Variants in GRID2 observed in about 807,000 individuals in gnomAD.
GRID2 encodes the protein glutamate ionotropic receptor delta type subunit 2.
GRID2 carries 33 observed loss-of-function variants against 114.8 expected under a neutral mutation model. The ratio of observed to expected loss-of-function variants is 0.29; its 90% CI spans 0.22 to 0.38. GRID2 has a LOEUF of 0.38. GRID2 is among the 10% of genes least tolerant of loss of function. The pLI is 1.00. For missense variants in GRID2, 1,184 were observed against 1,257.7 expected, an observed-to-expected ratio of 0.94 and a Z score of 0.89; for synonymous variants, 505 against 449.9, an observed-to-expected ratio of 1.12 and a Z score of -1.55.
chr4:93,714,692 C>T (rs1243003479), intron 14 of GRID2, among the ~76,000 whole-genome samples: 2 of 152,144 alleles, frequency 1.3e-5, no homozygotes, highest in East Asian at 3.8e-4. Flanking sequence ...TGATGTTGAG[C>T]TTTTTTTCAT....
chr4:93,615,526 C>T (rs1741531821), intron 13 of GRID2, among the ~76,000 whole-genome samples: 1 of 151,738 alleles, frequency 6.6e-6, no homozygotes, highest in Non-Finnish European at 1.5e-5. Flanking sequence ...AATGGTATTT[C>T]TAGCTCTAGA....
intron 8 of GRID2, among the ~76,000 whole-genome samples, chr4:93,258,123 A>T (rs1749829338): frequency 6.6e-6 from 1 of 151,342 alleles, no homozygotes; most frequent in South Asian, 2.1e-4. Flanking sequence ...ACATTAAAAA[A>T]TTTTATTCTC....
At chr4:93,091,922 G>A (rs1730828712) in intron 3 of GRID2, among the ~76,000 whole-genome samples, 1 of 152,086 alleles carries the variant, frequency 6.6e-6, no homozygotes, top group South Asian at 2.1e-4. Flanking sequence ...GCCCAGAAAA[G>A]GTCAGAATGA....
In GRID2 at chr4:93,671,478, G is replaced by A. The variant is rs191316894; in HGVS notation, c.2360+45043G>A. On this transcript the variant is annotated intron_variant, in intron 14 of 15. Transcript: ENST00000282020. ...GATCCCACACTGGGAGTACCTGGGT[G>A]TGAGCTCTGCCACTGCTTTATACTA... is the stretch of plus-strand genomic sequence containing the variant. 2.8e-4 allele frequency among the ~76,000 whole-genome samples: 43 copies of A among 152,200 alleles called. No individual in the cohort carries two copies. In the East Asian group the frequency reaches 5.6e-3, roughly 20 times the overall value.
At chr4:93,264,556 A>T (rs1750589649) in intron 8 of GRID2, among the ~76,000 whole-genome samples, 1 of 151,434 alleles carries the variant, frequency 6.6e-6, no homozygotes, top group Non-Finnish European at 1.5e-5. Flanking sequence ...ACACGAAGAC[A>T]TGGGAAACCT....
chr4:93,137,852 T>G (rs1579091272), intron 4 of GRID2, among the ~76,000 whole-genome samples: 1 of 152,208 alleles, frequency 6.6e-6, no homozygotes, highest in East Asian at 1.9e-4. Context: ...AACACAAATT[T>G]ATTATAATTA....
At chr4:93,691,005 A>G (rs1379117087) in intron 14 of GRID2, among the ~76,000 whole-genome samples, 2 of 149,934 alleles carry the variant, frequency 1.3e-5, no homozygotes, top group Non-Finnish European at 3.0e-5. Flanking sequence ...GCATACTTAT[A>G]AAATATTATA....
At chr4:93,186,156 C>T (rs1172965201) in intron 4 of GRID2, among the ~76,000 whole-genome samples, 1 of 152,120 alleles carries the variant, frequency 6.6e-6, no homozygotes, top group Non-Finnish European at 1.5e-5. Flanking sequence ...CAATGATGGA[C>T]ATTTGGGTTG....
At chr4:92,847,543 TTAAAA>T (rs1316050316) in intron 2 of GRID2, among the ~76,000 whole-genome samples, 1 of 152,090 alleles carries the variant, frequency 6.6e-6, no homozygotes, top group East Asian at 1.9e-4. Context: ...ATGAATTTCT[TTAAAA>T]TAACAAAATG....
At chr4:93,146,623 A>G (rs1378637939) in intron 4 of GRID2, among the ~76,000 whole-genome samples, 1 of 151,714 alleles carries the variant, frequency 6.6e-6, no homozygotes, top group Non-Finnish European at 1.5e-5. Context: ...GAGAGAGAGA[A>G]AGAGAGAAAG....
chr4:93,366,059 T>C (rs113094380), intron 8 of GRID2, among the ~76,000 whole-genome samples: 5 of 152,058 alleles, frequency 3.3e-5, no homozygotes, highest in African/African-American at 1.2e-4. Flanking sequence ...GACCCTGTAA[T>C]AATTGCATTA....
At chr4:93,779,972 G>C (rs1220513562) in intron 1 of GRID2, among the ~76,000 whole-genome samples, 2 of 152,230 alleles carry the variant, frequency 1.3e-5, no homozygotes, top group African/African-American at 2.4e-5. Context: ...AGGCCCTGCT[G>C]TGTGCAAGAC....
chr4:92,524,215 G>A (rs1347137962), intron 1 of GRID2, among the ~76,000 whole-genome samples: 2 of 151,926 alleles, frequency 1.3e-5, no homozygotes, highest in Non-Finnish European at 2.9e-5. Context: ...CCTAGACTTA[G>A]GGAGTCAAAA....
chr4:92,735,547 A>C (rs150904726), intron 2 of GRID2, among the ~76,000 whole-genome samples: 1 of 152,292 alleles, frequency 6.6e-6, no homozygotes, highest in Non-Finnish European at 1.5e-5. Context: ...TGTCTTACAA[A>C]AGGAAATAAA....
At chr4:93,614,748 C>A (rs1433616133) in intron 13 of GRID2, among the ~76,000 whole-genome samples, 7 of 151,862 alleles carry the variant, frequency 4.6e-5, no homozygotes, top group African/African-American at 1.7e-4. Context: ...TTGCTGACAC[C>A]GTGCTGGATA....
At chr4:92,834,094 ATATT>A (rs1432855223) in intron 2 of GRID2, 2 of 152,218 alleles carry the variant, frequency 1.3e-5, no homozygotes, top group Non-Finnish European at 1.5e-5. Flanking sequence ...GATTAAGAGA[ATATT>A]TATTCCTTGT....
intron 8 of GRID2, among the ~76,000 whole-genome samples, chr4:93,241,409 C>A (rs1433654): frequency 0.64 from 96,330 of 151,436 alleles, 30,901 homozygotes; most frequent in Middle Eastern, 0.78. Context: ...AAAACATTCA[C>A]CACTATACCA....
intron 2 of GRID2, among the ~76,000 whole-genome samples, chr4:93,024,294 A>G (rs1364853844): frequency 6.6e-6 from 1 of 151,784 alleles, no homozygotes; most frequent in Non-Finnish European, 1.5e-5. Context: ...ATTTCTGTTT[A>G]TGAGTATGCA....
intron 2 of GRID2, among the ~76,000 whole-genome samples, chr4:92,757,870 T>C (rs1737807655): frequency 6.6e-6 from 1 of 151,202 alleles, no homozygotes; most frequent in Non-Finnish European, 1.5e-5. Context: ...GGTTTATACA[T>C]TGGATTTAGT....
Sources: gnomAD v4.1 joint callset for allele counts (sites outside exome capture counted in the v4.1 genomes callset) on GRCh38, gnomAD v4.1.1 for gene constraint, MANE v1.5 for transcripts, NCBI Gene and HGNC (gene_info 2026-07-23, HGNC 2026-07-21) for gene names.